Variants in LETMD1 observed in about 807,000 individuals in gnomAD.
LETMD1 encodes LETM1 domain-containing protein 1.
A neutral mutation model predicts 43.9 loss-of-function variants in LETMD1; 30 were observed. That is an observed-to-expected ratio of 0.68 (90% CI 0.51 to 0.93). The LOEUF is 0.93. Ranked by LOEUF, LETMD1 falls within the 40% of genes least tolerant of loss-of-function variation. LETMD1 has a pLI of 0.00. For synonymous variants in LETMD1, 176 were observed against 163.1 expected (o/e 1.08, Z -0.60); for missense variants, 413 against 447.7 (o/e 0.92, Z 0.70).
chr12:51,052,579 G>A (rs976093544), intron 3 of LETMD1, among the ~76,000 whole-genome samples: 1 of 152,146 alleles, frequency 6.6e-6, no homozygotes, highest in Admixed American at 6.6e-5. Context: ...TCAGGAATTC[G>A]AGACCAGCCT....
At chr12:51,055,329 A>G (rs889076315) in intron 4 of LETMD1, among the ~76,000 whole-genome samples, 6 of 151,962 alleles carry the variant, frequency 3.9e-5, no homozygotes, top group Non-Finnish European at 8.8e-5. Context: ...GGTGCTTGAA[A>G]TTGTGCTTCA....
chr12:51,051,154 CT>C (rs1439204759), intron 2 of LETMD1, among the ~76,000 whole-genome samples: 1 of 152,124 alleles, frequency 6.6e-6, no homozygotes, highest in Non-Finnish European at 1.5e-5. Context: ...GCCTGTAATC[CT>C]AGCACTTTGG....
rs373757444 is a variant in LETMD1, at chr12:51,056,311, T to C, written c.763-39T>C. On this transcript the variant is annotated intron_variant, in intron 6 of 8. Coordinates refer to ENST00000262055, the MANE Select transcript of LETMD1 (RefSeq NM_015416.5). ...TGTTTCAGGTGTTTGCTTGAGCTCA[T>C]ACTATTTGCCTTTCCCCTCCTATGT... The C allele has an allele frequency of 5.1e-5, 83 of 1,613,592 alleles. No homozygotes were observed. The Middle Eastern group carries it at 6.6e-4, about 13-fold the overall frequency.
chr12:51,062,132 TCA>T (rs2136816590), downstream of LETMD1: 1 of 152,268 alleles, frequency 6.6e-6, no homozygotes, highest in African/African-American at 2.4e-5. Flanking sequence ...CTTTTCAGGC[TCA>T]GAGTTTAGAG....
chr12:51,065,869 T>C, the LETMD1 span, among the ~76,000 whole-genome samples: 1 of 152,220 alleles, frequency 6.6e-6, no homozygotes. Context: ...AGTTATTTGT[T>C]ACCCAGCTAA....
chr12:51,066,109 C>T, the LETMD1 span, among the ~76,000 whole-genome samples: 2 of 152,000 alleles, frequency 1.3e-5, no homozygotes, highest in African/African-American at 2.4e-5. Context: ...CACCTGAGGT[C>T]AGGCGTTTGA....
chr12:51,058,315 G>C, intron 8 of LETMD1, 187 bp downstream of exon 8: 1 of 603,688 alleles, frequency 1.7e-6, no homozygotes, highest in Non-Finnish European at 3.0e-6. Context: ...AAGACAAGAG[G>C]GAGTAGTGGG....
Position 51,048,385 on chromosome 12 carries a change from G to T in LETMD1, c.29G>T (p.Arg10Leu). ...GCGCTCTCCAGGGTGTGCTGGGCTC[G>T]GTCGGCTGTGTGGGGCTCGGCAGTC... is the stretch of plus-strand genomic sequence containing the variant. MALSRVCWA[R>L]SAVWGSAVTP... The change falls in exon 1 of 9, where the codon CGG becomes CTG. Residue 10 changes from arginine (R) to leucine (L), a missense_variant. Physicochemically the swap from Arg to Leu is moderately radical, Grantham distance 102 (BLOSUM62 -2). Transcript: ENST00000262055. 2 of 1,614,090 alleles carry T rather than the reference G, an allele frequency of 1.2e-6. No homozygotes were observed. Among genetic ancestry groups the T allele is most frequent in the Non-Finnish European group, 1.7e-6 (2 of 1,180,016 alleles).
chr12:51,061,079 A>G (rs1948813999), downstream of LETMD1: 2 of 152,236 alleles, frequency 1.3e-5, no homozygotes, highest in African/African-American at 4.8e-5. Flanking sequence ...TTTCCATCAC[A>G]AAATGTTTCT....
At chr12:51,056,757 G>GATCCT (rs200107099) in intron 7 of LETMD1, 3,710 of 305,730 alleles carry the variant, frequency 0.012, 39 homozygotes, top group Middle Eastern at 0.021. Flanking sequence ...CGGTTCAAGT[G>GATCCT]ATCCTCCTAC....
At chr12:51,052,262 C>A in intron 3 of LETMD1, 55 bp downstream of exon 3, 1 of 1,593,138 alleles carries the variant, frequency 6.3e-7, no homozygotes, top group South Asian at 1.1e-5. Context: ...TACATTTAAT[C>A]AAGATCTCAA....
intron 2 of LETMD1, among the ~76,000 whole-genome samples, chr12:51,050,335 G>C (rs1818332195): frequency 6.6e-6 from 1 of 150,782 alleles, no homozygotes. Flanking sequence ...CAATTCTCCT[G>C]CCTTAGCCTC....
At chr12:51,067,702 C>A in the LETMD1 span, 2 of 1,614,028 alleles carry the variant, frequency 1.2e-6, no homozygotes, top group Non-Finnish European at 1.7e-6. This position sits in a 1 kb window ranked among gnomAD's most constrained non-coding sequence, Gnocchi z 4.1. Flanking sequence ...TGGCTGCAGG[C>A]ACACGCTTCT....
At position 51,059,765 on chromosome 12, in the gene LETMD1, C is replaced by T; in HGVS notation, c.*334C>T. 1 of 299,576 alleles carries T rather than the reference C, an allele frequency of 3.3e-6. No individual in the cohort carries two copies. Among genetic ancestry groups the T allele is most frequent in the South Asian group, 4.1e-5 (1 of 24,650 alleles). The allele number at this position is 299,576 out of a possible 1,614,324, so 18.6% of individuals were successfully genotyped here. On this transcript the variant is annotated 3_prime_UTR_variant, in exon 9 of 9. Coordinates refer to ENST00000262055, the MANE Select transcript of LETMD1 (RefSeq NM_015416.5). ...CATGTCCTAGGAAGTCAGCTTTTGC[C>T]CCAGGTGGGAATCCTTATTTGGCTT...
At chr12:51,056,900 C>T (rs1188703455) in intron 7 of LETMD1, 1 of 171,744 alleles carries the variant, frequency 5.8e-6, no homozygotes, top group Non-Finnish European at 1.2e-5. Context: ...GATCCATCAA[C>T]CCAAAGTGCC....
chr12:51,048,597 T>C (rs1945015362), intron 1 of LETMD1, 119 bp downstream of exon 1: 1 of 1,334,726 alleles, frequency 7.5e-7, no homozygotes, highest in Admixed American at 2.1e-5. Flanking sequence ...GGAATTTTTA[T>C]TCTTCTGTTC....
the LETMD1 span, among the ~76,000 whole-genome samples, chr12:51,066,278 C>T: frequency 5.3e-5 from 8 of 152,020 alleles, no homozygotes; most frequent in African/African-American, 9.6e-5. Flanking sequence ...CATGGTGAAA[C>T]GCCGTCTCTA....
At position 51,054,051 on chromosome 12, in the gene LETMD1, A is replaced by G. The variant is rs968572758; in HGVS notation, c.473+191A>G. On this transcript the variant is annotated intron_variant, in intron 4 of 8. Coordinates refer to ENST00000262055, the MANE Select transcript of LETMD1 (RefSeq NM_015416.5). Reference sequence around the variant, plus strand: ...TTGGTTACTGTGACACATCACAGCTATAAGTGTAGGTGGCCTAGACTCTCC... The same window carrying G: ...TTGGTTACTGTGACACATCACAGCTGTAAGTGTAGGTGGCCTAGACTCTCC... 3.3e-5 allele frequency among the ~76,000 whole-genome samples: 5 copies of G among 152,310 alleles called. No individual in the cohort carries two copies. In the South Asian group the frequency reaches 6.2e-4, roughly 19 times the overall value.
chr12:51,064,144 A>C (rs1349153248), downstream of LETMD1: 1 of 1,614,030 alleles, frequency 6.2e-7, no homozygotes, highest in African/African-American at 1.3e-5. Flanking sequence ...CCACTGTTCA[A>C]GTAGGATGGG....
Sources: gnomAD v4.1 joint callset for allele counts (sites outside exome capture counted in the v4.1 genomes callset) on GRCh38, gnomAD v4.1.1 for gene constraint, Gnocchi (gnomAD v3.1) non-coding constraint, MANE v1.5 for transcripts, NCBI Gene and HGNC (gene_info 2026-07-23, HGNC 2026-07-21) for gene names.